Variants in GALNT18 observed in about 807,000 individuals in gnomAD.
GALNT18 encodes GalNAc-transferase 18.
A neutral mutation model predicts 69.5 loss-of-function variants in GALNT18; 44 were observed. That is an observed-to-expected ratio of 0.63 (90% CI 0.50 to 0.81). GALNT18 has a LOEUF of 0.81. Among genes scored for constraint, GALNT18 ranks in the 40% least tolerant of loss-of-function variants. GALNT18 has a pLI of 0.00. For missense variants in GALNT18, 715 were observed against 810.0 expected, an observed-to-expected ratio of 0.88 and a Z score of 1.42; for synonymous variants, 364 against 318.2, an observed-to-expected ratio of 1.14 and a Z score of -1.53.
In GALNT18 at chr11:11,617,721, A is replaced by G. The variant is rs1450824264; in HGVS notation, c.235+3638T>C. Among the ~76,000 whole-genome samples the G allele has an allele frequency of 1.3e-5, 2 of 152,192 alleles. No individual in the cohort carries two copies. Among genetic ancestry groups the G allele is most frequent in the Non-Finnish European group, 1.5e-5 (1 of 68,044 alleles). The stretch of plus-strand genomic sequence containing the variant: ...CAGAAAGCTACTAAGAAAAGAAGAA[A>G]GCTATCTTTATTTTTACTGAATTTC... On this transcript the variant is annotated intron_variant, in intron 1 of 10. Transcript: ENST00000227756. This position sits in a 1 kb window ranked among gnomAD's most constrained non-coding sequence, Gnocchi z 4.7.
intron 9 of GALNT18, among the ~76,000 whole-genome samples, chr11:11,302,745 G>A (rs979522543): frequency 1.3e-5 from 2 of 152,234 alleles, no homozygotes; most frequent in Non-Finnish European, 1.5e-5. Context: ...GCAAAGAGCC[G>A]CAAAGGGCAT....
chr11:11,297,336 A>G (rs1438334177), intron 9 of GALNT18, among the ~76,000 whole-genome samples: 14 of 152,220 alleles, frequency 9.2e-5, no homozygotes, highest in Non-Finnish European at 1.0e-4. Context: ...TCTTAGCAAT[A>G]ACTCATGAGG....
rs1303398840 is a variant in GALNT18, at chr11:11,459,143, G to T, written c.236-10207C>A. On this transcript the variant is annotated intron_variant, in intron 1 of 10. Transcript: ENST00000227756. The surrounding 1 kb of genome is among the most constrained non-coding windows in gnomAD (Gnocchi z 5.0). ...GAATATGTCAAGTGCCCTAATAATG[G>T]TAAGTAAATGCACTATTCTGTTGAT... Among the ~76,000 whole-genome samples, 1 of 152,144 alleles carries T rather than the reference G, an allele frequency of 6.6e-6. No homozygotes were observed. Among genetic ancestry groups the T allele is most frequent in the East Asian group, 1.9e-4 (1 of 5,182 alleles).
rs1029610776 is a variant in GALNT18, at chr11:11,315,765, G to A, written c.1512+11321C>T. ...CAGATCACTTGCCCCCGTCATACAT[G>A]TGGTACGGGCAGAACTGGGCCTGGA... On this transcript the variant is annotated intron_variant, in intron 9 of 10. Coordinates refer to ENST00000227756, the MANE Select transcript of GALNT18 (RefSeq NM_198516.3). The surrounding 1 kb of genome is among the most constrained non-coding windows in gnomAD (Gnocchi z 5.6). 4.6e-5 allele frequency among the ~76,000 whole-genome samples: 7 copies of A among 152,148 alleles called. No homozygotes were observed. Among genetic ancestry groups the A allele is most frequent in the Non-Finnish European group, 8.8e-5 (6 of 68,042 alleles).
At chr11:11,361,394 C>T (rs1288737287) in intron 6 of GALNT18, among the ~76,000 whole-genome samples, 1 of 152,108 alleles carries the variant, frequency 6.6e-6, no homozygotes, top group Non-Finnish European at 1.5e-5. Flanking sequence ...AGTAGTAGTA[C>T]CTACATTTCA....
At chr11:11,612,954 C>T (rs1859948618) in intron 1 of GALNT18, among the ~76,000 whole-genome samples, 2 of 152,174 alleles carry the variant, frequency 1.3e-5, no homozygotes, top group African/African-American at 4.8e-5. Flanking sequence ...ACCATTTTAG[C>T]AGTGGCTCCA....
Position 11,318,836 on chromosome 11 carries a change from G to A in GALNT18, c.1512+8250C>T, listed in dbSNP as rs866373803. 8.5e-5 allele frequency among the ~76,000 whole-genome samples: 13 copies of A among 152,170 alleles called. No individual in the cohort carries two copies. The highest frequency in any genetic ancestry group is 6.2e-4 in the South Asian group (3 of 4,822). The stretch of plus-strand genomic sequence containing the variant: ...CTGGGACATTAACGGGCCCATCCAA[G>A]AGTATGTAATTTTCCAAGAGAATGT... On this transcript the variant is annotated intron_variant, in intron 9 of 10. Coordinates refer to ENST00000227756, the MANE Select transcript of GALNT18 (RefSeq NM_198516.3). This position sits in a 1 kb window ranked among gnomAD's most constrained non-coding sequence, Gnocchi z 5.1.
At chr11:11,310,740 C>T (rs758147302) in intron 9 of GALNT18, among the ~76,000 whole-genome samples, 2 of 152,140 alleles carry the variant, frequency 1.3e-5, no homozygotes, top group African/African-American at 2.4e-5. Context: ...AAGCTCTACC[C>T]GGGCAGGGCT....
At position 11,383,154 on chromosome 11, in the gene GALNT18, A is replaced by G. The variant is rs1259710091; in HGVS notation, c.596-3890T>C. Among the ~76,000 whole-genome samples the G allele has an allele frequency of 6.6e-6, 1 of 152,024 alleles. No homozygotes were observed. The highest frequency in any genetic ancestry group is 1.9e-4 in the East Asian group (1 of 5,168). On this transcript the variant is annotated intron_variant, in intron 3 of 10. Coordinates refer to ENST00000227756, the MANE Select transcript of GALNT18 (RefSeq NM_198516.3). The surrounding 1 kb of genome is among the most constrained non-coding windows in gnomAD (Gnocchi z 5.2). Reference sequence around the variant, plus strand: ...GTCACAGGCCACTCTCCACATCCCCACGGGGAGCCTCCTCTCCGGGCCTGC... The same window carrying G: ...GTCACAGGCCACTCTCCACATCCCCGCGGGGAGCCTCCTCTCCGGGCCTGC...
chr11:11,477,827 A>C (rs1856436198), intron 1 of GALNT18, among the ~76,000 whole-genome samples: 1 of 152,230 alleles, frequency 6.6e-6, no homozygotes, highest in South Asian at 2.1e-4. Flanking sequence ...ATGCTTCTGT[A>C]ATTACACCCC....
intron 9 of GALNT18, among the ~76,000 whole-genome samples, chr11:11,301,001 C>G (rs1349939435): frequency 6.6e-6 from 1 of 152,194 alleles, no homozygotes; most frequent in African/African-American, 2.4e-5. Context: ...CGGGATCTAG[C>G]TTGCCCCCAC....
intron 3 of GALNT18, among the ~76,000 whole-genome samples, chr11:11,428,757 T>C (rs1855195764): frequency 6.6e-6 from 1 of 152,168 alleles, no homozygotes; most frequent in Non-Finnish European, 1.5e-5. Context: ...ACAACCTACC[T>C]TTAAGAAAAG....
chr11:11,388,679 G>A (rs757427177), intron 3 of GALNT18, among the ~76,000 whole-genome samples: 3 of 152,144 alleles, frequency 2.0e-5, no homozygotes, highest in Non-Finnish European at 2.9e-5. Context: ...CAGCCCCAGC[G>A]CTGGTCTAAC....
chr11:11,601,741 A>C lies in GALNT18; in HGVS notation c.235+19618T>G, dbSNP rs1184634400. On this transcript the variant is annotated intron_variant, in intron 1 of 10. Transcript: ENST00000227756. This position sits in a 1 kb window ranked among gnomAD's most constrained non-coding sequence, Gnocchi z 4.0. ...CTACAGTAAGTCCTCACTTAACATC[A>C]TCAATAGATTCTTGGAAACTGTGAC... is the stretch of plus-strand genomic sequence containing the variant. Among the ~76,000 whole-genome samples, 3 of 152,328 alleles carry C rather than the reference A, an allele frequency of 2.0e-5. No homozygotes were observed. The highest frequency in any genetic ancestry group is 3.4e-3 in the Middle Eastern group (1 of 294).
intron 3 of GALNT18, among the ~76,000 whole-genome samples, chr11:11,431,407 T>C (rs559355288): frequency 6.6e-6 from 1 of 152,152 alleles, no homozygotes; most frequent in Non-Finnish European, 1.5e-5. Flanking sequence ...TAGGCAGCCA[T>C]CAGAGATGGG....
chr11:11,307,534 G>A lies in GALNT18; in HGVS notation c.1513-14341C>T, dbSNP rs191183753. ...GCTATCAAACAGGAAAACTGGCAGA[G>A]CTGGGATCTGAACTCAAGTCATCTG... On this transcript the variant is annotated intron_variant, in intron 9 of 10. Transcript: ENST00000227756. Among the ~76,000 whole-genome samples the A allele has an allele frequency of 1.8e-4, 28 of 152,288 alleles. No individual in the cohort carries two copies. The East Asian group carries it at 3.7e-3, about 20-fold the overall frequency.
intron 1 of GALNT18, among the ~76,000 whole-genome samples, chr11:11,536,013 C>G (rs935754106): frequency 6.6e-6 from 1 of 152,186 alleles, no homozygotes; most frequent in Non-Finnish European, 1.5e-5. Context: ...CCACCCATTT[C>G]CCATCCAAAC....
At chr11:11,327,568 T>C (rs1849945250) in intron 8 of GALNT18, among the ~76,000 whole-genome samples, 1 of 152,212 alleles carries the variant, frequency 6.6e-6, no homozygotes, top group African/African-American at 2.4e-5. Flanking sequence ...ATCTTAGCTA[T>C]TTTCAGGCCT....
rs1850188234 is a variant in GALNT18, at chr11:11,340,726, G to T, written c.1278+93C>A. 5.7e-6 allele frequency: 7 copies of T among 1,223,282 alleles called. No homozygotes were observed. The South Asian group carries it at 1.1e-4, about 19-fold the overall frequency. The allele number at this position is 1,223,282 out of a possible 1,614,324, so 75.8% of individuals were successfully genotyped here. A position where few individuals can be genotyped will look rare whatever the true frequency, so the allele number is the denominator to read the frequency against. ...TTCTTGCATGGCAAACAGGACTCTG[G>T]CTGACCCATAGGAAGAAGGGTTCGG... On this transcript the variant is annotated intron_variant, in intron 7 of 10. Transcript: ENST00000227756. The surrounding 1 kb of genome is among the most constrained non-coding windows in gnomAD (Gnocchi z 4.2).
Sources: gnomAD v4.1 joint callset for allele counts (sites outside exome capture counted in the v4.1 genomes callset) on GRCh38, gnomAD v4.1.1 for gene constraint, Gnocchi (gnomAD v3.1) non-coding constraint, MANE v1.5 for transcripts, NCBI Gene and HGNC (gene_info 2026-07-23, HGNC 2026-07-21) for gene names.